The following CACNA2D3 variants were observed in gnomAD, a reference collection of about 807,000 sequenced individuals.
CACNA2D3 encodes the protein voltage-dependent calcium channel subunit alpha-2/delta-3.
In CACNA2D3, 60 loss-of-function variants were observed where a neutral mutation model predicts 160.6. That is an observed-to-expected ratio of 0.37 (90% CI 0.30 to 0.46). CACNA2D3 has a LOEUF of 0.46. CACNA2D3 is among the 20% of genes least tolerant of loss of function. The probability of loss-of-function intolerance (pLI) is 1.00; values close to 1 mark genes in which losing one functional copy is unlikely to be tolerated. For missense variants in CACNA2D3, 1,205 were observed against 1,365.0 expected, an observed-to-expected ratio of 0.88 and a Z score of 1.85; for synonymous variants, 558 against 492.9, an observed-to-expected ratio of 1.13 and a Z score of -1.75.
At chr3:54,194,478 C>T (rs559874696) in intron 2 of CACNA2D3, among the ~76,000 whole-genome samples, 1 of 152,312 alleles carries the variant, frequency 6.6e-6, no homozygotes, top group Admixed American at 6.5e-5. Flanking sequence ...TGTCTCCCAC[C>T]TCCTTGTCTT....
chr3:54,725,335 CA>C (rs1393739138), intron 11 of CACNA2D3, among the ~76,000 whole-genome samples: 3 of 152,156 alleles, frequency 2.0e-5, no homozygotes, highest in Non-Finnish European at 4.4e-5. Context: ...ACCAGAGGTA[CA>C]AAGAGGAGCT....
intron 3 of CACNA2D3, among the ~76,000 whole-genome samples, chr3:54,333,227 C>G (rs1393367438): frequency 6.6e-6 from 1 of 152,050 alleles, no homozygotes; most frequent in Non-Finnish European, 1.5e-5. Context: ...CCTCCCAGGC[C>G]AGTGGTTGGT....
intron 11 of CACNA2D3, among the ~76,000 whole-genome samples, chr3:54,741,349 C>T (rs1027223531): frequency 1.3e-5 from 2 of 152,188 alleles, no homozygotes; most frequent in Non-Finnish European, 2.9e-5. Context: ...AGAATTAATC[C>T]TCCCTGCCCC....
intron 31 of CACNA2D3, among the ~76,000 whole-genome samples, chr3:55,000,390 C>T (rs1353750553): frequency 6.6e-6 from 1 of 151,990 alleles, no homozygotes; most frequent in Non-Finnish European, 1.5e-5. Context: ...GGAAAGCCTC[C>T]TTTTGAAATA....
chr3:54,188,012 C>G (rs1366180417), intron 2 of CACNA2D3, among the ~76,000 whole-genome samples: 3 of 151,966 alleles, frequency 2.0e-5, no homozygotes, highest in Non-Finnish European at 4.4e-5. Flanking sequence ...CAAAGAGAGT[C>G]GAACTCCAAA....
At position 54,802,352 on chromosome 3, in the gene CACNA2D3, C is replaced by A. The variant is rs181785327; in HGVS notation, c.1381-14501C>A. Among the ~76,000 whole-genome samples, 171 of 152,254 alleles carry A rather than the reference C, an allele frequency of 1.1e-3. 1 individual carries two copies. The highest frequency in any genetic ancestry group is 2.0e-3 in the Non-Finnish European group (135 of 68,022). On this transcript the variant is annotated intron_variant, in intron 13 of 37. Coordinates refer to ENST00000474759, the MANE Select transcript of CACNA2D3 (RefSeq NM_018398.3). ...ATTCAGAGAGATACCTTTTGTGTCC[C>A]TGACCTATCCAATATTATTATAAAA...
intron 17 of CACNA2D3, among the ~76,000 whole-genome samples, chr3:54,850,034 C>T (rs1326894106): frequency 6.6e-6 from 1 of 152,192 alleles, no homozygotes; most frequent in African/African-American, 2.4e-5. Context: ...GGGCCTTAAT[C>T]AGCGGACTCA....
intron 2 of CACNA2D3, among the ~76,000 whole-genome samples, chr3:54,192,168 G>A (rs1313152377): frequency 1.3e-5 from 2 of 151,840 alleles, no homozygotes; most frequent in Non-Finnish European, 2.9e-5. Context: ...TCAAGAGTGG[G>A]TGGTCCTTCA....
intron 13 of CACNA2D3, among the ~76,000 whole-genome samples, chr3:54,766,362 A>G (rs1344197623): frequency 6.6e-6 from 1 of 152,200 alleles, no homozygotes; most frequent in East Asian, 1.9e-4. Context: ...AATGGCTTTT[A>G]AACATAAGAT....
intron 11 of CACNA2D3, among the ~76,000 whole-genome samples, chr3:54,720,354 T>C (rs1024601396): frequency 5.3e-5 from 8 of 152,232 alleles, no homozygotes; most frequent in African/African-American, 9.6e-5. Flanking sequence ...ATTTTTATTG[T>C]GAACTTTATT....
At chr3:54,363,119 C>G (rs566894434) in intron 3 of CACNA2D3, among the ~76,000 whole-genome samples, 2 of 152,112 alleles carry the variant, frequency 1.3e-5, no homozygotes, top group Non-Finnish European at 2.9e-5. Context: ...TGCTTGAACC[C>G]AGGAGGCAGA....
intron 18 of CACNA2D3, among the ~76,000 whole-genome samples, chr3:54,876,634 G>C (rs1699666405): frequency 6.6e-6 from 1 of 152,232 alleles, no homozygotes; most frequent in African/African-American, 2.4e-5. Flanking sequence ...GGGAAGCAGA[G>C]GTTAAGAGCA....
At chr3:54,544,918 G>T (rs907039534) in intron 5 of CACNA2D3, among the ~76,000 whole-genome samples, 2 of 152,124 alleles carry the variant, frequency 1.3e-5, no homozygotes, top group African/African-American at 4.8e-5. Context: ...TCATCAAATA[G>T]ATCAAATGGT....
chr3:54,438,009 T>G (rs1700085614), intron 4 of CACNA2D3, among the ~76,000 whole-genome samples: 1 of 152,152 alleles, frequency 6.6e-6, no homozygotes, highest in African/African-American at 2.4e-5. Flanking sequence ...ATATATGAGT[T>G]CTGTAGAGGC....
chr3:54,221,640 A>G (rs1354960515), intron 2 of CACNA2D3, among the ~76,000 whole-genome samples: 1 of 152,202 alleles, frequency 6.6e-6, no homozygotes, highest in African/African-American at 2.4e-5. Flanking sequence ...TTCCCATGCC[A>G]GTACCCAAAT....
intron 4 of CACNA2D3, among the ~76,000 whole-genome samples, chr3:54,406,631 A>T (rs904587493): frequency 1.3e-5 from 2 of 152,120 alleles, no homozygotes; most frequent in African/African-American, 2.4e-5. Flanking sequence ...ATATATAGAG[A>T]TAGAGAATAA....
At chr3:55,073,714 T>G in intron 36 of CACNA2D3, 63 bp from the exon 37 acceptor site, 2 of 1,420,308 alleles carry the variant, frequency 1.4e-6, no homozygotes, top group East Asian at 4.6e-5. Flanking sequence ...TGCCAAATTT[T>G]GACCTCTGAA....
At chr3:55,007,907 A>T (rs932968198) in intron 33 of CACNA2D3, 65 bp downstream of exon 33, 2 of 1,110,862 alleles carry the variant, frequency 1.8e-6, no homozygotes, top group Admixed American at 3.2e-5. Flanking sequence ...TCATAAAGTG[A>T]TCTAAGAGAT....
intron 2 of CACNA2D3, among the ~76,000 whole-genome samples, chr3:54,254,270 C>T (rs1028912051): frequency 1.3e-4 from 20 of 152,116 alleles, no homozygotes; most frequent in African/African-American, 4.8e-4. Context: ...TCTTCCATTT[C>T]CAGATAGGGT....
Sources: allele counts gnomAD v4.1 joint callset (sites outside exome capture counted in the v4.1 genomes callset), GRCh38; gene constraint gnomAD v4.1.1; transcripts MANE v1.5; gene names NCBI Gene and HGNC (gene_info 2026-07-23, HGNC 2026-07-21).